Variants in COG5 observed in about 807,000 individuals in gnomAD.
COG5 encodes component of oligomeric golgi complex 5, also known as conserved oligomeric Golgi complex subunit 5.
COG5 carries 86 observed loss-of-function variants against 110.4 expected under a neutral mutation model. The observed-to-expected ratio is 0.78, with a 90% CI of 0.65 to 0.93. The LOEUF (loss-of-function observed/expected upper bound fraction) is 0.93, where lower values mean the gene tolerates loss of function less well. Among genes scored for constraint, COG5 ranks in the 40% least tolerant of loss-of-function variants. The pLI, the probability that COG5 is intolerant of heterozygous loss-of-function variation, is 0.00. For synonymous variants in COG5, 360 were observed against 334.6 expected (o/e 1.08, Z -0.83); for missense variants, 1,077 against 987.0 (o/e 1.09, Z -1.22).
intron 11 of COG5, among the ~76,000 whole-genome samples, chr7:107,321,321 A>G (rs908864844): frequency 6.6e-6 from 1 of 152,200 alleles, no homozygotes; most frequent in African/African-American, 2.4e-5. Flanking sequence ...TAAAAGTCCT[A>G]AATAAATAGA....
At position 107,218,448 on chromosome 7, in the gene COG5, T is replaced by A. The variant is rs556046204; in HGVS notation, c.2169-7223A>T. Among the ~76,000 whole-genome samples the A allele has an allele frequency of 7.9e-5, 12 of 152,234 alleles. No individual in the cohort carries two copies. In the South Asian group the frequency reaches 2.5e-3, roughly 32 times the overall value. On this transcript the variant is annotated intron_variant, in intron 19 of 21. Coordinates refer to ENST00000297135, the MANE Select transcript of COG5 (RefSeq NM_006348.5). Reference sequence around the variant, plus strand: ...GAGGTATCACTACCTAATTTTAAACTATATTACAGAGCTATATAGTAATTA... The same window carrying A: ...GAGGTATCACTACCTAATTTTAAACAATATTACAGAGCTATATAGTAATTA...
chr7:107,286,974 T>C (rs1584623593), intron 12 of COG5, among the ~76,000 whole-genome samples: 1 of 152,154 alleles, frequency 6.6e-6, no homozygotes, highest in Admixed American at 6.5e-5. Context: ...AAGACATATC[T>C]CTAAGTAAAA....
chr7:107,378,075 C>A (rs1346218310), intron 7 of COG5, among the ~76,000 whole-genome samples: 1 of 152,216 alleles, frequency 6.6e-6, no homozygotes, highest in Non-Finnish European at 1.5e-5. Flanking sequence ...GAGGAAGGAA[C>A]AGGCAGCAAT....
intron 14 of COG5, among the ~76,000 whole-genome samples, chr7:107,271,501 T>A (rs1199381310): frequency 6.6e-6 from 1 of 152,126 alleles, no homozygotes; most frequent in African/African-American, 2.4e-5. Flanking sequence ...CTTGCCCATA[T>A]TTTGCCAAAT....
intron 1 of COG5, among the ~76,000 whole-genome samples, chr7:107,562,709 T>C (rs1198647454): frequency 6.6e-6 from 1 of 152,238 alleles, no homozygotes; most frequent in South Asian, 2.1e-4. Context: ...GAAAACATCA[T>C]TGCTTTTGAC....
intron 6 of COG5, chr7:107,473,064 T>C (rs550701201): frequency 6.6e-6 from 1 of 151,968 alleles, no homozygotes; most frequent in East Asian, 1.9e-4. Flanking sequence ...GGGTGATATA[T>C]ACAAAAGGCT....
intron 11 of COG5, among the ~76,000 whole-genome samples, chr7:107,316,657 CA>C (rs760555445): frequency 0.26 from 19,945 of 76,088 alleles, 1,477 homozygotes; most frequent in East Asian, 0.36. Context: ...ACTAAAAATA[CA>C]AAAAAAAAAA....
intron 6 of COG5, among the ~76,000 whole-genome samples, chr7:107,499,290 A>C (rs1324224758): frequency 6.6e-6 from 1 of 152,220 alleles, no homozygotes; most frequent in East Asian, 1.9e-4. Flanking sequence ...AAGAGGGTAG[A>C]TCTCATATTA....
intron 1 of COG5, among the ~76,000 whole-genome samples, chr7:107,561,905 G>T (rs1439608190): frequency 6.6e-6 from 1 of 152,142 alleles, no homozygotes; most frequent in Admixed American, 6.5e-5. Context: ...GAACCCCGGA[G>T]GCAGAGCTTG....
chr7:107,456,355 G>C (rs1051885830), intron 6 of COG5, among the ~76,000 whole-genome samples: 3 of 152,078 alleles, frequency 2.0e-5, no homozygotes, highest in African/African-American at 7.2e-5. Flanking sequence ...AGAATAATTG[G>C]TATAGGATTT....
chr7:107,474,825 A>G lies in COG5; in HGVS notation c.538+52412T>C, dbSNP rs371251807. 3.2e-5 allele frequency: 52 copies of G among 1,613,092 alleles called. No homozygotes were observed. Among genetic ancestry groups the G allele is most frequent in the Non-Finnish European group, 4.0e-5 (47 of 1,179,606 alleles). On this transcript the variant is annotated intron_variant, in intron 6 of 21. Transcript: ENST00000297135. This position sits in a 1 kb window ranked among gnomAD's most constrained non-coding sequence, Gnocchi z 5.7. ...CAACAGGGCAGAAGAAGAAAGCAAG[A>G]AAGAAAAAGACAATTTCTCTAACCA... is the stretch of plus-strand genomic sequence containing the variant.
chr7:107,374,323 T>C (rs1814446030), intron 7 of COG5, among the ~76,000 whole-genome samples: 2 of 152,092 alleles, frequency 1.3e-5, no homozygotes, highest in Admixed American at 6.6e-5. Flanking sequence ...ATTATTTAAG[T>C]GTATGTATAA....
At chr7:107,470,697 T>A (rs952572280) in intron 6 of COG5, among the ~76,000 whole-genome samples, 1 of 152,154 alleles carries the variant, frequency 6.6e-6, no homozygotes, top group Non-Finnish European at 1.5e-5. Flanking sequence ...TCAGATATAC[T>A]AAATATTCTT....
intron 7 of COG5, among the ~76,000 whole-genome samples, chr7:107,410,521 C>T (rs984384922): frequency 1.3e-5 from 2 of 152,110 alleles, no homozygotes; most frequent in African/African-American, 2.4e-5. Context: ...CGGCTCACCG[C>T]AACCTCCGGC....
chr7:107,360,062 G>A (rs907824248), intron 10 of COG5, among the ~76,000 whole-genome samples: 5 of 152,122 alleles, frequency 3.3e-5, no homozygotes, highest in African/African-American at 1.2e-4. Flanking sequence ...CCTGCCCGCA[G>A]GTATAAGCTA....
intron 6 of COG5, among the ~76,000 whole-genome samples, chr7:107,483,108 T>C (rs1013529316): frequency 3.3e-5 from 5 of 152,208 alleles, no homozygotes; most frequent in African/African-American, 7.2e-5. Flanking sequence ...TAATGCAATT[T>C]AGTAAACAGC....
chr7:107,526,627 G>C (rs1800772627), intron 6 of COG5, among the ~76,000 whole-genome samples: 1 of 151,970 alleles, frequency 6.6e-6, no homozygotes, highest in African/African-American at 2.4e-5. Flanking sequence ...CCAAAAACTG[G>C]AAACAACAAC....
chr7:107,299,277 A>G (rs547671302), intron 11 of COG5, among the ~76,000 whole-genome samples: 19 of 152,282 alleles, frequency 1.2e-4, no homozygotes, highest in Non-Finnish European at 1.9e-4. Context: ...CCAAACTTCT[A>G]GCCAGATGGA....
At chr7:107,426,025 G>A (rs557788057) in intron 6 of COG5, among the ~76,000 whole-genome samples, 2 of 152,260 alleles carry the variant, frequency 1.3e-5, no homozygotes, top group South Asian at 4.1e-4. Context: ...TCCCAAGACT[G>A]CCAGCAAACC....
Sources: allele counts gnomAD v4.1 joint callset (sites outside exome capture counted in the v4.1 genomes callset), GRCh38; gene constraint gnomAD v4.1.1; non-coding constraint Gnocchi (gnomAD v3.1); transcripts MANE v1.5; gene names NCBI Gene and HGNC (gene_info 2026-07-23, HGNC 2026-07-21).